TENM3: variants seen among roughly 807,000 people sequenced by gnomAD.
The protein encoded by TENM3 is teneurin-3.
Under a neutral mutation model 255.1 loss-of-function variants are expected in TENM3, and 63 were observed. That is an observed-to-expected ratio of 0.25 (90% CI 0.20 to 0.30). The LOEUF (loss-of-function observed/expected upper bound fraction) is 0.30. Among genes scored for constraint, TENM3 ranks in the 10% least tolerant of loss-of-function variants. The pLI is 1.00. For missense variants in TENM3, 2,929 were observed against 3,461.1 expected (o/e 0.85, Z 3.86); for synonymous variants, 1,306 against 1,322.3 (o/e 0.99, Z 0.27).
At chr4:181,468,887 T>C in the TENM3 span, among the ~76,000 whole-genome samples, 4 of 152,244 alleles carry the variant, frequency 2.6e-5, no homozygotes, top group African/African-American at 7.2e-5. Flanking sequence ...TACATTTTAC[T>C]AACCTCTTTT....
intron 1 of TENM3, among the ~76,000 whole-genome samples, chr4:182,225,949 GA>G (rs1195388233): frequency 3.3e-5 from 5 of 152,114 alleles, no homozygotes; most frequent in Non-Finnish European, 7.4e-5. Flanking sequence ...CCTTTTAATG[GA>G]GACCTTGAAA....
the TENM3 span, among the ~76,000 whole-genome samples, chr4:182,091,090 A>T: frequency 6.6e-6 from 1 of 152,220 alleles, no homozygotes; most frequent in Non-Finnish European, 1.5e-5. Flanking sequence ...CCCACTAAAC[A>T]CATATCAGTT....
At chr4:181,499,186 C>T in the TENM3 span, among the ~76,000 whole-genome samples, 3,164 of 152,246 alleles carry the variant, frequency 0.021, 114 homozygotes, top group African/African-American at 0.071. Context: ...TCACAGAGGA[C>T]GAACATCTCC....
chr4:182,277,900 A>C (rs1312133744), intron 1 of TENM3, among the ~76,000 whole-genome samples: 2 of 152,230 alleles, frequency 1.3e-5, no homozygotes, highest in African/African-American at 4.8e-5. Flanking sequence ...ATACTTAGAT[A>C]ACATTTACAA....
intron 22 of TENM3, among the ~76,000 whole-genome samples, chr4:182,761,741 CA>C (rs1384371335): frequency 6.6e-6 from 1 of 152,066 alleles, no homozygotes; most frequent in African/African-American, 2.4e-5. Context: ...GAGAGTTTAT[CA>C]GCAGATCACT....
chr4:182,512,440 A>G (rs1002937000), intron 3 of TENM3, among the ~76,000 whole-genome samples: 1 of 152,206 alleles, frequency 6.6e-6, no homozygotes, highest in Admixed American at 6.5e-5. Context: ...AGCTTTTGTC[A>G]TGTTACATCA....
At chr4:181,936,609 A>C in the TENM3 span, among the ~76,000 whole-genome samples, 1,006 of 152,238 alleles carry the variant, frequency 6.6e-3, 13 homozygotes, top group African/African-American at 0.023. Context: ...AGTCTTTGTC[A>C]CCATGAGTAA....
At chr4:181,684,576 G>T in the TENM3 span, among the ~76,000 whole-genome samples, 2 of 152,308 alleles carry the variant, frequency 1.3e-5, no homozygotes, top group Admixed American at 6.5e-5. Flanking sequence ...TACACACTGT[G>T]CATCAAGAGC....
the TENM3 span, among the ~76,000 whole-genome samples, chr4:181,532,155 A>T: frequency 6.6e-6 from 1 of 152,340 alleles, no homozygotes; most frequent in African/African-American, 2.4e-5. Flanking sequence ...ACACATCATT[A>T]CAGATGTGTC....
chr4:182,385,404 A>G (rs1356792842), intron 3 of TENM3, among the ~76,000 whole-genome samples: 1 of 150,960 alleles, frequency 6.6e-6, no homozygotes, highest in African/African-American at 2.4e-5. Context: ...AGCTGGGATT[A>G]TAGGCACCCA....
At chr4:181,778,061 GA>G in the TENM3 span, among the ~76,000 whole-genome samples, 2 of 151,840 alleles carry the variant, frequency 1.3e-5, no homozygotes, top group African/African-American at 4.8e-5. Context: ...CAGAGGGAGA[GA>G]AAAAAAATTT....
the TENM3 span, among the ~76,000 whole-genome samples, chr4:182,107,898 A>G: frequency 6.6e-6 from 1 of 152,154 alleles, no homozygotes; most frequent in African/African-American, 2.4e-5. Flanking sequence ...CCCATTTTTT[A>G]GATAGGTAAG....
At chr4:181,700,611 C>A in the TENM3 span, among the ~76,000 whole-genome samples, 4 of 152,188 alleles carry the variant, frequency 2.6e-5, no homozygotes, top group Non-Finnish European at 5.9e-5. Flanking sequence ...CAAAGATGAT[C>A]ATCTTTTCCC....
At chr4:181,963,323 T>C in the TENM3 span, among the ~76,000 whole-genome samples, 1 of 152,196 alleles carries the variant, frequency 6.6e-6, no homozygotes, top group South Asian at 2.1e-4. Context: ...TTGCATATTT[T>C]TGTTTTCTAC....
chr4:182,624,188 A>G (rs1218369017), intron 4 of TENM3, among the ~76,000 whole-genome samples: 1 of 152,158 alleles, frequency 6.6e-6, no homozygotes, highest in Non-Finnish European at 1.5e-5. Context: ...AGCCCTTAAT[A>G]AAATGAAATA....
chr4:182,001,909 G>A, the TENM3 span, among the ~76,000 whole-genome samples: 24,277 of 152,030 alleles, frequency 0.16, 2,249 homozygotes, highest in Non-Finnish European at 0.21. Flanking sequence ...TCAACAATTG[G>A]TACTTTATAA....
At chr4:181,770,045 C>A in the TENM3 span, among the ~76,000 whole-genome samples, 32 of 152,116 alleles carry the variant, frequency 2.1e-4, no homozygotes, top group Admixed American at 5.2e-4. Context: ...CGCCCAGTTA[C>A]AACGGGGAAG....
At chr4:181,699,171 C>T in the TENM3 span, among the ~76,000 whole-genome samples, 136 of 152,186 alleles carry the variant, frequency 8.9e-4, 4 homozygotes, top group South Asian at 0.026. Flanking sequence ...TGGCTCACAC[C>T]TGTAATCCCA....
chr4:181,544,852 C>G, the TENM3 span, among the ~76,000 whole-genome samples: 1 of 152,174 alleles, frequency 6.6e-6, no homozygotes, highest in Non-Finnish European at 1.5e-5. Flanking sequence ...CTGTGAAAAA[C>G]AGTGGGTCTT....
Sources: gnomAD v4.1 joint callset for allele counts (sites outside exome capture counted in the v4.1 genomes callset) on GRCh38, gnomAD v4.1.1 for gene constraint, MANE v1.5 for transcripts, NCBI Gene and HGNC (gene_info 2026-07-23, HGNC 2026-07-21) for gene names.